TLL1: variants seen among roughly 807,000 people sequenced by gnomAD.
TLL1 encodes the protein tolloid like 1.
TLL1 carries 49 observed loss-of-function variants against 128.2 expected under a neutral mutation model. The ratio of observed to expected loss-of-function variants is 0.38; its 90% CI spans 0.30 to 0.48. The LOEUF (loss-of-function observed/expected upper bound fraction) is 0.48. Ranked by LOEUF, TLL1 falls within the 20% of genes least tolerant of loss-of-function variation. The pLI is 0.96. For missense variants in TLL1, 1,123 were observed against 1,242.0 expected (o/e 0.90, Z 1.44); for synonymous variants, 454 against 418.8 (o/e 1.08, Z -1.03).
chr4:166,055,333 C>A (rs1371334988), intron 13 of TLL1, 62 bp downstream of exon 13: 9 of 1,470,344 alleles, frequency 6.1e-6, no homozygotes, highest in Non-Finnish European at 8.5e-6. Context: ...TAGTGTTTAG[C>A]TTTGATTTAG....
At chr4:165,931,101 A>C (rs980998498) in intron 1 of TLL1, among the ~76,000 whole-genome samples, 3 of 152,204 alleles carry the variant, frequency 2.0e-5, no homozygotes, top group Non-Finnish European at 4.4e-5. Context: ...AATAAAGTTG[A>C]AGAATAGGTA....
At chr4:166,053,469 A>G (rs1303789903) in intron 12 of TLL1, among the ~76,000 whole-genome samples, 1 of 152,160 alleles carries the variant, frequency 6.6e-6, no homozygotes, top group African/African-American at 2.4e-5. Flanking sequence ...TGAATGATGC[A>G]TACCAAGCAG....
intron 8 of TLL1, among the ~76,000 whole-genome samples, chr4:166,020,039 A>G (rs895887432): frequency 3.9e-5 from 6 of 152,122 alleles, no homozygotes; most frequent in African/African-American, 1.4e-4. Context: ...TAGAGACAGG[A>G]GAGTAGTCTT....
At chr4:165,894,066 T>G (rs1731545330) in intron 1 of TLL1, among the ~76,000 whole-genome samples, 1 of 152,156 alleles carries the variant, frequency 6.6e-6, no homozygotes, top group Non-Finnish European at 1.5e-5. Flanking sequence ...TATCTTATAT[T>G]ATAACACTGA....
intron 1 of TLL1, among the ~76,000 whole-genome samples, chr4:165,884,627 A>G (rs1428409186): frequency 1.3e-5 from 2 of 152,164 alleles, no homozygotes; most frequent in East Asian, 3.9e-4. Flanking sequence ...CCTGAGGCCA[A>G]GAGTTTGAGA....
intron 1 of TLL1, among the ~76,000 whole-genome samples, chr4:165,915,586 T>A (rs1732743041): frequency 6.6e-6 from 1 of 152,162 alleles, no homozygotes; most frequent in African/African-American, 2.4e-5. Context: ...ACCAGAAAAC[T>A]GAGGCCCAAG....
intron 1 of TLL1, among the ~76,000 whole-genome samples, chr4:165,972,227 A>G (rs1735662038): frequency 6.6e-6 from 1 of 152,218 alleles, no homozygotes; most frequent in African/African-American, 2.4e-5. Context: ...GACTCAATCT[A>G]TTATTTCCAG....
intron 1 of TLL1, among the ~76,000 whole-genome samples, chr4:165,929,989 A>T (rs1041285637): frequency 2.6e-5 from 4 of 152,266 alleles, no homozygotes; most frequent in Admixed American, 1.3e-4. Flanking sequence ...AAAATTCATG[A>T]TTAACTCACT....
intron 8 of TLL1, among the ~76,000 whole-genome samples, chr4:166,021,959 A>G (rs1262905967): frequency 1.3e-5 from 2 of 152,210 alleles, no homozygotes; most frequent in African/African-American, 4.8e-5. Flanking sequence ...GGGCTTGGCT[A>G]TGCAGTTATA....
chr4:165,968,818 G>T (rs1332238290), intron 1 of TLL1, among the ~76,000 whole-genome samples: 1 of 152,120 alleles, frequency 6.6e-6, no homozygotes, highest in Non-Finnish European at 1.5e-5. Flanking sequence ...CCCATTCTGT[G>T]ATTGTAGCAA....
chr4:165,878,418 C>G (rs1730817331), intron 1 of TLL1, among the ~76,000 whole-genome samples: 1 of 151,562 alleles, frequency 6.6e-6, no homozygotes, highest in Non-Finnish European at 1.5e-5. Context: ...CGCCAAAATA[C>G]AGTGTTTGCA....
At chr4:165,975,803 T>C (rs1231507514) in intron 1 of TLL1, among the ~76,000 whole-genome samples, 1 of 151,912 alleles carries the variant, frequency 6.6e-6, no homozygotes, top group Non-Finnish European at 1.5e-5. Flanking sequence ...TTTGGGAGGC[T>C]GAGGCGGGTG....
chr4:165,989,067 T>C (rs924222955), intron 1 of TLL1, among the ~76,000 whole-genome samples: 1 of 152,160 alleles, frequency 6.6e-6, no homozygotes, highest in Non-Finnish European at 1.5e-5. Context: ...GATTTTCAGA[T>C]ATTTGCGAAT....
intron 1 of TLL1, among the ~76,000 whole-genome samples, chr4:165,963,506 TG>T (rs1363484953): frequency 2.6e-5 from 4 of 152,078 alleles, no homozygotes; most frequent in Non-Finnish European, 5.9e-5. Context: ...ATCAGGTAAG[TG>T]GGGGAGATTA....
At chr4:165,894,952 A>G (rs73860879) in intron 1 of TLL1, among the ~76,000 whole-genome samples, 1,795 of 152,172 alleles carry the variant, frequency 0.012, 33 homozygotes, top group African/African-American at 0.04. Context: ...AAAATTGACT[A>G]TATAATTTTA....
At chr4:165,899,822 G>T (rs942913694) in intron 1 of TLL1, among the ~76,000 whole-genome samples, 4 of 152,142 alleles carry the variant, frequency 2.6e-5, no homozygotes, top group Admixed American at 1.3e-4. Context: ...GACAGTGGGT[G>T]TTAAAGTCTC....
At chr4:165,940,275 G>C (rs1561042252) in intron 1 of TLL1, among the ~76,000 whole-genome samples, 1 of 151,672 alleles carries the variant, frequency 6.6e-6, no homozygotes, top group Non-Finnish European at 1.5e-5. Flanking sequence ...AAATCTGTTT[G>C]GTTCTTTCTT....
intron 5 of TLL1, among the ~76,000 whole-genome samples, chr4:165,998,630 A>G (rs923148037): frequency 1.3e-5 from 2 of 151,160 alleles, no homozygotes; most frequent in Admixed American, 1.3e-4. Context: ...CGTCTCTACT[A>G]AAAATACAAA....
chr4:166,057,429 T>G (rs1740075632), intron 14 of TLL1, 120 bp downstream of exon 14: 3 of 1,399,232 alleles, frequency 2.1e-6, no homozygotes, highest in Non-Finnish European at 2.9e-6. Context: ...TTTCCTCAAT[T>G]AGTAAGACTC....
Sources: gnomAD v4.1 joint callset for allele counts (sites outside exome capture counted in the v4.1 genomes callset) on GRCh38, gnomAD v4.1.1 for gene constraint, MANE v1.5 for transcripts, NCBI Gene and HGNC (gene_info 2026-07-23, HGNC 2026-07-21) for gene names.